The following CCDC170 variants were observed in gnomAD, a reference collection of about 807,000 sequenced individuals.
CCDC170 encodes coiled-coil domain containing 170.
Under a neutral mutation model 72.6 loss-of-function variants are expected in CCDC170, and 69 were observed. The ratio of observed to expected loss-of-function variants is 0.95; its 90% CI spans 0.78 to 1.16. The LOEUF (loss-of-function observed/expected upper bound fraction) is 1.16, where lower values mean the gene tolerates loss of function less well. Ranked by LOEUF, CCDC170 falls within the 50% of genes most tolerant of loss-of-function variation. CCDC170 has a pLI of 0.00. For missense variants in CCDC170, 852 were observed against 832.5 expected, an observed-to-expected ratio of 1.02 and a Z score of -0.29; for synonymous variants, 300 against 303.9, an observed-to-expected ratio of 0.99 and a Z score of 0.13.
At chr6:151,604,450 T>G (rs546080778) in intron 9 of CCDC170, among the ~76,000 whole-genome samples, 1 of 152,210 alleles carries the variant, frequency 6.6e-6, no homozygotes, top group Admixed American at 6.5e-5. Flanking sequence ...CTGAGAAAGG[T>G]GTGTTGGTTA....
chr6:151,502,248 G>T (rs568628476), intron 1 of CCDC170, among the ~76,000 whole-genome samples: 1 of 152,302 alleles, frequency 6.6e-6, no homozygotes, highest in African/African-American at 2.4e-5. Flanking sequence ...ACTCCAGGCT[G>T]TGTGCAGAGC....
Position 151,538,295 on chromosome 6 carries a change from A to C in CCDC170, c.437A>C (p.Lys146Thr). Residue 146 changes from lysine (K) to threonine (T), a missense_variant, in exon 3 of 11, where the codon AAA (lysine) becomes ACA (threonine). Transcript: ENST00000239374. ...AAGAAAGTTGTAGAGTTAAATGAAA[A>C]ATTACAGTAAGGATACTGCAATATA... is the stretch of plus-strand genomic sequence containing the variant. ...LKKKVVELNE[K>T]LQKCSKENEE... The C allele has an allele frequency of 1.9e-6, 3 of 1,612,814 alleles. No homozygotes were observed. Among genetic ancestry groups the C allele is most frequent in the Non-Finnish European group, 2.5e-6 (3 of 1,179,564 alleles).
At position 151,575,599 on chromosome 6, in the gene CCDC170, G is replaced by A. The variant is rs1354122922; in HGVS notation, c.1092+2108G>A. 5.1e-5 allele frequency among the ~76,000 whole-genome samples: 6 copies of A among 117,480 alleles called. No homozygotes were observed. The Admixed American group carries it at 7.4e-4, about 15-fold the overall frequency. The allele number at this position is 117,480 out of a possible 152,430, so 77.1% of individuals were successfully genotyped here. ...GGCCAGAGTGCAGTGGTGCAAACTC[G>A]GCTCACTGCAATCTCCGCCTCCCAG... On this transcript the variant is annotated intron_variant, in intron 6 of 10. Transcript: ENST00000239374.
Position 151,620,938 on chromosome 6 carries a change from A to G in CCDC170, c.*2791A>G, listed in dbSNP as rs1777052029. 1 of 152,162 alleles carries G rather than the reference A, an allele frequency of 6.6e-6. No individual in the cohort carries two copies. The highest frequency in any genetic ancestry group is 2.4e-5 in the African/African-American group (1 of 41,442). 9.4% of individuals were successfully genotyped at this position (152,162 alleles called of 1,614,324 possible). ...AATTACATTCCATTTATCCAAATAT[A>G]TGTTTATATAATATTTCCACTGTGT... On this transcript the variant is annotated 3_prime_UTR_variant, in exon 11 of 11. Coordinates refer to ENST00000239374, the MANE Select transcript of CCDC170 (RefSeq NM_025059.4).
chr6:151,568,429 G>C (rs1000489079), intron 5 of CCDC170, among the ~76,000 whole-genome samples: 4 of 152,160 alleles, frequency 2.6e-5, no homozygotes, highest in African/African-American at 4.8e-5. Context: ...GTTTGGGAAG[G>C]GGGGAATGGG....
chr6:151,562,454 T>A (rs767532216), intron 5 of CCDC170, among the ~76,000 whole-genome samples: 4 of 152,210 alleles, frequency 2.6e-5, no homozygotes, highest in Non-Finnish European at 5.9e-5. Context: ...TGGCTTCATT[T>A]TGGGTGATTT....
In CCDC170 at chr6:151,573,514, C is replaced by CCATGTTCTTA. The variant is rs1346391692; in HGVS notation, c.1092+23_1092+24insCATGTTCTTA. On this transcript the variant is annotated intron_variant, in intron 6 of 10. Coordinates refer to ENST00000239374, the MANE Select transcript of CCDC170 (RefSeq NM_025059.4). ...CGGGTGAGTGGGTCATGGCTGTTTA[C>CCATGTTCTTA]AGACATCTTAAGAACAGTGAGCTCA... 8 of 1,601,216 alleles carry CCATGTTCTTA rather than the reference C, an allele frequency of 5.0e-6. No individual in the cohort carries two copies. In the Admixed American group the frequency reaches 1.4e-4, roughly 27 times the overall value.
chr6:151,505,434 A>G (rs1442926523), intron 1 of CCDC170, among the ~76,000 whole-genome samples: 3 of 152,144 alleles, frequency 2.0e-5, no homozygotes, highest in Non-Finnish European at 4.4e-5. Context: ...CTGTAATCCC[A>G]GCACTTTGGG....
chr6:151,596,602 G>T (rs756729097), intron 9 of CCDC170, 25 bp downstream of exon 9: 3 of 1,610,442 alleles, frequency 1.9e-6, no homozygotes, highest in Admixed American at 3.3e-5. Context: ...TCATTTTGTT[G>T]TTGCTTTTTG....
At chr6:151,572,804 T>A (rs1429721572) in intron 5 of CCDC170, among the ~76,000 whole-genome samples, 1 of 151,694 alleles carries the variant, frequency 6.6e-6, no homozygotes, top group African/African-American at 2.4e-5. Context: ...TGTGCGCCAC[T>A]ATGCCCCGCT....
intron 1 of CCDC170, among the ~76,000 whole-genome samples, chr6:151,504,363 C>CA (rs1782037538): frequency 6.6e-6 from 1 of 151,946 alleles, no homozygotes; most frequent in Non-Finnish European, 1.5e-5. Flanking sequence ...TGTTTCACTC[C>CA]AACTATGGAG....
At chr6:151,517,805 A>G (rs1193598272) in intron 1 of CCDC170, among the ~76,000 whole-genome samples, 1 of 152,104 alleles carries the variant, frequency 6.6e-6, no homozygotes, top group Non-Finnish European at 1.5e-5. Context: ...GGAAGGGCCA[A>G]GTCAAGCTGT....
chr6:151,545,117 T>G (rs1357523907), intron 4 of CCDC170, among the ~76,000 whole-genome samples: 3 of 152,014 alleles, frequency 2.0e-5, no homozygotes, highest in Non-Finnish European at 2.9e-5. Context: ...ACTTTAAAAA[T>G]TTACATTAAA....
rs535906607 is a variant in CCDC170 at position 151,557,594 on chromosome 6, T to C, written c.774+9105T>C. On this transcript the variant is annotated intron_variant, in intron 5 of 10. Transcript: ENST00000239374. ...GGATGTGTGGTATTTACATTTTTAGTTTTTTTAAGAAATCTCCATACTGTG... is the reference window on the plus strand; with the variant it reads ...GGATGTGTGGTATTTACATTTTTAGCTTTTTTAAGAAATCTCCATACTGTG... Among the ~76,000 whole-genome samples the C allele has an allele frequency of 1.4e-4, 21 of 152,248 alleles. No individual in the cohort carries two copies. The South Asian group carries it at 4.4e-3, about 32-fold the overall frequency.
chr6:151,613,676 TC>T, intron 9 of CCDC170, among the ~76,000 whole-genome samples: 1 of 152,380 alleles, frequency 6.6e-6, no homozygotes, highest in Non-Finnish European at 1.5e-5. Context: ...AGTACTCTAT[TC>T]TTTTTTACTG....
chr6:151,498,445 A>G (rs1163583013), intron 1 of CCDC170, among the ~76,000 whole-genome samples: 10 of 152,254 alleles, frequency 6.6e-5, no homozygotes. Context: ...TTACAAATGT[A>G]CAGTTTAGTG....
intron 6 of CCDC170, among the ~76,000 whole-genome samples, chr6:151,576,787 T>C (rs2115094057): frequency 6.6e-6 from 1 of 152,354 alleles, no homozygotes; most frequent in East Asian, 1.9e-4. Context: ...ATGGGAGCTT[T>C]ACAAATTGAT....
At chr6:151,596,258 A>T in intron 8 of CCDC170, 77 bp from the exon 9 acceptor site, 1 of 1,422,892 alleles carries the variant, frequency 7.0e-7, no homozygotes, top group Non-Finnish European at 9.3e-7. Flanking sequence ...GATAGAGATC[A>T]ACATTATCTG....
intron 3 of CCDC170, among the ~76,000 whole-genome samples, chr6:151,539,983 T>C (rs1197594380): frequency 1.3e-5 from 2 of 152,156 alleles, no homozygotes; most frequent in Non-Finnish European, 2.9e-5. Flanking sequence ...ATTGTGTCAG[T>C]TTTCCATTAT....
Sources: gnomAD v4.1 joint callset for allele counts (sites outside exome capture counted in the v4.1 genomes callset) on GRCh38, gnomAD v4.1.1 for gene constraint, MANE v1.5 for transcripts, NCBI Gene and HGNC (gene_info 2026-07-23, HGNC 2026-07-21) for gene names.